Variants in SNX13 observed in about 807,000 individuals in gnomAD.
SNX13 encodes the protein sorting nexin-13.
A neutral mutation model predicts 133.6 loss-of-function variants in SNX13; 45 were observed. The ratio of observed to expected loss-of-function variants is 0.34; its 90% CI spans 0.27 to 0.43. The LOEUF is 0.43. SNX13 is among the 20% of genes least tolerant of loss of function. The pLI, the probability that SNX13 is intolerant of heterozygous loss-of-function variation, is 1.00. For synonymous variants in SNX13, 414 were observed against 373.9 expected, an observed-to-expected ratio of 1.11 and a Z score of -1.24; for missense variants, 1,032 against 1,145.1, an observed-to-expected ratio of 0.90 and a Z score of 1.43.
chr7:17,833,185 T>G (rs1227770620), intron 15 of SNX13, among the ~76,000 whole-genome samples: 6 of 151,642 alleles, frequency 4.0e-5, no homozygotes, highest in Non-Finnish European at 7.4e-5. Flanking sequence ...TACTTCTGAA[T>G]TGAATCACAA....
At chr7:17,837,122 T>TTA in intron 13 of SNX13, among the ~76,000 whole-genome samples, 1 of 152,088 alleles carries the variant, frequency 6.6e-6, no homozygotes, top group Middle Eastern at 3.4e-3. Flanking sequence ...AGGATCAAGT[T>TTA]AAATAAACTT....
At chr7:17,915,644 C>G (rs2128027548) in intron 1 of SNX13, among the ~76,000 whole-genome samples, 2 of 152,156 alleles carry the variant, frequency 1.3e-5, no homozygotes, top group African/African-American at 2.4e-5. Flanking sequence ...TCTCTCTCGT[C>G]CTTTCTTTCA....
rs183564157 is a variant in SNX13, at chr7:17,807,770, A to T, written c.2065-4190T>A. Among the ~76,000 whole-genome samples, 3 of 152,304 alleles carry T rather than the reference A, an allele frequency of 2.0e-5. No individual in the cohort carries two copies. The East Asian group carries it at 5.8e-4, about 29-fold the overall frequency. On this transcript the variant is annotated intron_variant, in intron 20 of 25. Transcript: ENST00000428135. ...TGGGATGAAGCATCCAGAGGAAGGA[A>T]CAGGCAGCAATCTTGGCTGCTCTGC...
intron 25 of SNX13, 92 bp downstream of exon 25, chr7:17,796,735 T>C (rs1784095859): frequency 1.1e-6 from 1 of 871,018 alleles, no homozygotes; most frequent in East Asian, 2.4e-5. Context: ...GTAGTTGTTA[T>C]AATCAAAAGG....
chr7:17,887,853 G>GAAA (rs60926364), intron 5 of SNX13, among the ~76,000 whole-genome samples: 3 of 146,222 alleles, frequency 2.1e-5, no homozygotes, highest in African/African-American at 2.5e-5. Context: ...CACTGGATAG[G>GAAA]AAAAAAAAAA....
chr7:17,876,780 G>C (rs1794773923), intron 5 of SNX13, among the ~76,000 whole-genome samples: 1 of 151,954 alleles, frequency 6.6e-6, no homozygotes, highest in African/African-American at 2.4e-5. Context: ...AGTGTAACAG[G>C]TAAAAAACAC....
chr7:17,834,937 T>C (rs1583414308), intron 13 of SNX13, 72 bp from the exon 14 acceptor site: 4 of 863,532 alleles, frequency 4.6e-6, no homozygotes, highest in East Asian at 2.7e-5. Context: ...AGTATGATAA[T>C]AATGGAATCA....
chr7:17,831,082 T>C (rs1474395055), intron 15 of SNX13: 1 of 984,284 alleles, frequency 1.0e-6, no homozygotes, highest in African/African-American at 1.7e-5. Context: ...ACCTCTTCTG[T>C]AGTGTGCCCA....
At chr7:17,845,813 T>G (rs1790454046) in intron 11 of SNX13, 119 bp from the exon 12 acceptor site, 2 of 609,636 alleles carry the variant, frequency 3.3e-6, no homozygotes, top group Admixed American at 7.3e-5. Flanking sequence ...GTTTTTCCCT[T>G]CTCATGCATG....
At chr7:17,870,996 GTTTTC>G (rs1794033830) in intron 8 of SNX13, among the ~76,000 whole-genome samples, 1 of 151,456 alleles carries the variant, frequency 6.6e-6, no homozygotes, top group African/African-American at 2.4e-5. Context: ...GAGGAATCGG[GTTTTC>G]TTTTTTTTTT....
chr7:17,903,921 A>T (rs1450678513), intron 1 of SNX13, among the ~76,000 whole-genome samples: 2 of 152,190 alleles, frequency 1.3e-5, no homozygotes, highest in Non-Finnish European at 2.9e-5. Flanking sequence ...TAATGGAAAA[A>T]ATTTAAGTTT....
At chr7:17,812,771 T>A (rs1786198583) in intron 20 of SNX13, among the ~76,000 whole-genome samples, 1 of 152,068 alleles carries the variant, frequency 6.6e-6, no homozygotes, top group South Asian at 2.1e-4. Context: ...ATAGACTGGA[T>A]AAAGGAAATG....
At chr7:17,892,336 T>C (rs1202849066) in intron 3 of SNX13, among the ~76,000 whole-genome samples, 4 of 151,982 alleles carry the variant, frequency 2.6e-5, no homozygotes, top group Non-Finnish European at 5.9e-5. Context: ...CTATTAAAAA[T>C]GGATTATAAA....
chr7:17,803,344 A>G, intron 21 of SNX13, 75 bp downstream of exon 21: 1 of 1,389,318 alleles, frequency 7.2e-7, no homozygotes, highest in South Asian at 1.5e-5. Context: ...ACTAAGGTAA[A>G]TCCAACCAGA....
At position 17,925,388 on chromosome 7, in the gene SNX13, G is replaced by A. The variant is rs181188117; in HGVS notation, c.12+14896C>T. On this transcript the variant is annotated intron_variant, in intron 1 of 25. Transcript: ENST00000428135. Reference sequence around the variant, plus strand: ...TATAGCAAAAGCCGTTGAATTGAATGCTTTAGTTAGGTGAATTGCATGGTA... The same window carrying A: ...TATAGCAAAAGCCGTTGAATTGAATACTTTAGTTAGGTGAATTGCATGGTA... Among the ~76,000 whole-genome samples, 10 of 152,230 alleles carry A rather than the reference G, an allele frequency of 6.6e-5. 1 individual carries two copies. Among genetic ancestry groups the A allele is most frequent in the Middle Eastern group, 6.8e-3 (2 of 294 alleles).
chr7:17,890,543 G>A (rs1398373380), intron 4 of SNX13, 59 bp from the exon 5 acceptor site: 3 of 1,335,186 alleles, frequency 2.2e-6, no homozygotes, highest in South Asian at 1.5e-5. Context: ...AAGTTACAGT[G>A]GTAAACTAAA....
chr7:17,913,933 T>C (rs533125141), intron 1 of SNX13, among the ~76,000 whole-genome samples: 1 of 151,738 alleles, frequency 6.6e-6, no homozygotes, highest in South Asian at 2.1e-4. Context: ...CAGTATAAAA[T>C]TCAGAATATA....
intron 4 of SNX13, 41 bp from the exon 5 acceptor site, chr7:17,890,525 G>A (rs549365150): frequency 1.4e-6 from 2 of 1,472,666 alleles, no homozygotes; most frequent in Non-Finnish European, 1.8e-6. Context: ...AACATTTTAG[G>A]ATTTAAAAAG....
At chr7:17,931,928 T>C (rs1282420225) in intron 1 of SNX13, among the ~76,000 whole-genome samples, 1 of 152,194 alleles carries the variant, frequency 6.6e-6, no homozygotes. Context: ...TCTCCAACAT[T>C]GAACAGAGAC....
Sources: gnomAD v4.1 joint callset for allele counts (sites outside exome capture counted in the v4.1 genomes callset) on GRCh38, gnomAD v4.1.1 for gene constraint, MANE v1.5 for transcripts, NCBI Gene and HGNC (gene_info 2026-07-23, HGNC 2026-07-21) for gene names.